Variants in COL8A1 observed in about 807,000 individuals in gnomAD.
COL8A1 encodes collagen alpha-1(VIII) chain.
In COL8A1, 21 loss-of-function variants were observed where a neutral mutation model predicts 42.7. The observed-to-expected ratio is 0.49, with a 90% CI of 0.35 to 0.71. COL8A1 has a LOEUF of 0.71. Among genes scored for constraint, COL8A1 ranks in the 30% least tolerant of loss-of-function variants. COL8A1 has a pLI of 0.01. For missense variants in COL8A1, 788 were observed against 962.4 expected (o/e 0.82, Z 2.40); for synonymous variants, 367 against 369.1 (o/e 0.99, Z 0.06).
intron 1 of COL8A1, among the ~76,000 whole-genome samples, chr3:99,649,786 G>GTC (rs554187907): frequency 6.6e-6 from 1 of 151,344 alleles, no homozygotes; most frequent in East Asian, 1.9e-4. Context: ...TTCTCTCTCT[G>GTC]TCACACACAC....
intron 3 of COL8A1, among the ~76,000 whole-genome samples, chr3:99,793,033 C>G (rs1443850762): frequency 6.6e-6 from 1 of 152,092 alleles, no homozygotes; most frequent in Non-Finnish European, 1.5e-5. Context: ...AAGAAAAATC[C>G]TGCATATTCT....
chr3:99,686,056 T>A (rs1266400521), intron 1 of COL8A1, among the ~76,000 whole-genome samples: 1 of 152,202 alleles, frequency 6.6e-6, no homozygotes, highest in African/African-American at 2.4e-5. Flanking sequence ...ACCAAAATCA[T>A]TGTAATCAAT....
intron 2 of COL8A1, among the ~76,000 whole-genome samples, chr3:99,745,789 C>T (rs1417565858): frequency 2.0e-5 from 3 of 148,530 alleles, no homozygotes; most frequent in African/African-American, 5.0e-5. Context: ...TCAGCAGAAG[C>T]AATAAAAACA....
At chr3:99,784,050 T>G (rs1391264087) in intron 2 of COL8A1, among the ~76,000 whole-genome samples, 1 of 152,192 alleles carries the variant, frequency 6.6e-6, no homozygotes, top group African/African-American at 2.4e-5. Context: ...GCTTGTCTTA[T>G]GTAAGAGAAG....
At chr3:99,662,608 A>G (rs1009853591) in intron 1 of COL8A1, among the ~76,000 whole-genome samples, 3 of 152,208 alleles carry the variant, frequency 2.0e-5, no homozygotes, top group African/African-American at 7.2e-5. Context: ...CTATCAGATT[A>G]CTAAGGCTAG....
chr3:99,710,954 C>T (rs75699213), intron 1 of COL8A1, among the ~76,000 whole-genome samples: 235 of 152,204 alleles, frequency 1.5e-3, no homozygotes, highest in African/African-American at 5.4e-3. Context: ...GTTCTGGCTC[C>T]ACTCCAGGGC....
intron 1 of COL8A1, among the ~76,000 whole-genome samples, chr3:99,732,696 C>A (rs1940554079): frequency 6.6e-6 from 1 of 152,082 alleles, no homozygotes; most frequent in Admixed American, 6.6e-5. Context: ...CCTCCCAAAT[C>A]TCATGTCCTC....
At chr3:99,789,137 A>G (rs1941949581) in intron 2 of COL8A1, among the ~76,000 whole-genome samples, 1 of 152,178 alleles carries the variant, frequency 6.6e-6, no homozygotes. Flanking sequence ...TAAATATTTT[A>G]TTAGGTGTTT....
Position 99,671,666 on chromosome 3 carries a change from T to C in COL8A1, c.-129+33002T>C, listed in dbSNP as rs948592097. 4.3e-4 allele frequency among the ~76,000 whole-genome samples: 65 copies of C among 152,036 alleles called. 3 individuals are homozygous for C. The highest frequency in any genetic ancestry group is 3.8e-3 in the Admixed American group (58 of 15,226). The stretch of plus-strand genomic sequence containing the variant: ...GAGTTTGACTTTTTTATACTCCATG[T>C]AACAAGTGTTACGAAGGATGTGGAG... On this transcript the variant is annotated intron_variant, in intron 1 of 3. Coordinates refer to ENST00000652472, the MANE Select transcript of COL8A1 (RefSeq NM_020351.4).
chr3:99,751,555 A>G (rs1226827638), intron 2 of COL8A1, among the ~76,000 whole-genome samples: 1 of 152,166 alleles, frequency 6.6e-6, no homozygotes, highest in African/African-American at 2.4e-5. Context: ...TGAGACTGAA[A>G]AAAAGAAAAG....
intron 1 of COL8A1, among the ~76,000 whole-genome samples, chr3:99,712,087 T>A (rs1441018546): frequency 6.6e-6 from 1 of 152,112 alleles, no homozygotes; most frequent in Non-Finnish European, 1.5e-5. Flanking sequence ...AGCAATAAAG[T>A]CATACTTTGA....
At chr3:99,677,518 C>T (rs1213116506) in intron 1 of COL8A1, among the ~76,000 whole-genome samples, 1 of 152,054 alleles carries the variant, frequency 6.6e-6, no homozygotes. Context: ...CACAATAGTC[C>T]AAAGTCTCTT....
In COL8A1 at chr3:99,787,857, T is replaced by TACACACAC. The variant is rs76817799; in HGVS notation, c.-3-2812_-3-2805dup. Among the ~76,000 whole-genome samples, 318 of 148,898 alleles carry TACACACAC rather than the reference T, an allele frequency of 2.1e-3. 2 individuals are homozygous for TACACACAC. The highest frequency in any genetic ancestry group is 5.6e-3 in the African/African-American group (227 of 40,840). Reference sequence around the variant, plus strand: ...ATATGCTTATGTTCAAGAACACAAATACACACACACACACACACCCACACC... The same window carrying TACACACAC: ...ATATGCTTATGTTCAAGAACACAAATACACACACACACACACACACACACACCCACACC... On this transcript the variant is annotated intron_variant, in intron 2 of 3. Transcript: ENST00000652472.
intron 1 of COL8A1, among the ~76,000 whole-genome samples, chr3:99,712,803 G>A (rs935777724): frequency 3.3e-5 from 5 of 152,008 alleles, no homozygotes; most frequent in African/African-American, 9.7e-5. Flanking sequence ...ATTGCTGAAC[G>A]TCTTGCATCC....
chr3:99,654,195 G>A (rs912643136), intron 1 of COL8A1, among the ~76,000 whole-genome samples: 4 of 152,058 alleles, frequency 2.6e-5, no homozygotes, highest in Non-Finnish European at 5.9e-5. Flanking sequence ...ACCTTCTTCC[G>A]CCTGCTTTAT....
chr3:99,673,561 C>T (rs142462476), intron 1 of COL8A1, among the ~76,000 whole-genome samples: 1 of 152,154 alleles, frequency 6.6e-6, no homozygotes, highest in East Asian at 1.9e-4. Context: ...TTAGTCTTTA[C>T]ATTTACATAA....
chr3:99,664,591 A>T (rs924891915), intron 1 of COL8A1, among the ~76,000 whole-genome samples: 3 of 152,096 alleles, frequency 2.0e-5, no homozygotes, highest in Non-Finnish European at 4.4e-5. Context: ...TCCTCCTCCC[A>T]GCTCAGTGCC....
chr3:99,795,995 C>A lies in COL8A1; in HGVS notation c.2094C>A (p.Asp698Glu), dbSNP rs781583659. ...ACGAGTACAAAAAGGGCTTCCTGGACCAGGCATCTGGGAGTGCAGTGCTGC... is the reference window on the plus strand; with the variant it reads ...ACGAGTACAAAAAGGGCTTCCTGGAACAGGCATCTGGGAGTGCAGTGCTGC... ...TYDEYKKGFL[D>E]QASGSAVLLL... The change falls in exon 4 of 4, where the codon GAC (aspartate) becomes GAA (glutamate). Residue 698 changes from aspartate (D) to glutamate (E), a missense_variant. Transcript: ENST00000652472. 2.5e-6 allele frequency: 4 copies of A among 1,613,980 alleles called. No homozygotes were observed. In the South Asian group the frequency reaches 4.4e-5, roughly 18 times the overall value.
At chr3:99,760,047 A>G (rs1941337748) in intron 2 of COL8A1, among the ~76,000 whole-genome samples, 1 of 152,156 alleles carries the variant, frequency 6.6e-6, no homozygotes, top group Admixed American at 6.6e-5. Context: ...TATATGAAGC[A>G]ATTTTTACCA....
Sources: allele counts gnomAD v4.1 joint callset (sites outside exome capture counted in the v4.1 genomes callset), GRCh38; gene constraint gnomAD v4.1.1; transcripts MANE v1.5; gene names NCBI Gene and HGNC (gene_info 2026-07-23, HGNC 2026-07-21).